The following CLIC4 variants were observed in gnomAD, a reference collection of about 807,000 sequenced individuals.
CLIC4 encodes CLIC family member 4.
CLIC4 carries 13 observed loss-of-function variants against 24.6 expected under a neutral mutation model. That is an observed-to-expected ratio of 0.53 (90% confidence interval 0.34 to 0.84). The LOEUF (loss-of-function observed/expected upper bound fraction) is 0.84. CLIC4 is among the 40% of genes least tolerant of loss of function. The pLI, the probability that CLIC4 is intolerant of heterozygous loss-of-function variation, is 0.01. For synonymous variants in CLIC4, 104 were observed against 111.3 expected (o/e 0.93, Z 0.41); for missense variants, 227 against 301.7 (o/e 0.75, Z 1.83).
chr1:24,746,873 G>A (rs1169509530), intron 1 of CLIC4, among the ~76,000 whole-genome samples: 1 of 152,112 alleles, frequency 6.6e-6, no homozygotes, highest in Non-Finnish European at 1.5e-5. Flanking sequence ...TTACGCGCCT[G>A]TACTACTCTG....
chr1:24,784,464 G>A (rs114799106), intron 1 of CLIC4, among the ~76,000 whole-genome samples: 1 of 152,306 alleles, frequency 6.6e-6, no homozygotes, highest in African/African-American at 2.4e-5. Flanking sequence ...TAATACATGT[G>A]AAGAGCTTGT....
intron 4 of CLIC4, among the ~76,000 whole-genome samples, chr1:24,839,425 G>A (rs1032186987): frequency 4.6e-5 from 7 of 152,108 alleles, no homozygotes; most frequent in East Asian, 1.9e-4. Context: ...TCAGCCTCCC[G>A]AGTAGCTGGG....
chr1:24,820,854 C>T lies in CLIC4; in HGVS notation c.309-6156C>T, dbSNP rs185576829. Among the ~76,000 whole-genome samples, 4 of 152,028 alleles carry T rather than the reference C, an allele frequency of 2.6e-5. No individual in the cohort carries two copies. The East Asian group carries it at 7.7e-4, about 29-fold the overall frequency. On this transcript the variant is annotated intron_variant, in intron 3 of 5. Transcript: ENST00000374379. ...ATGACTTTAGTTAAATGGACATTTC[C>T]TCATATTCTCTTACATCCTTCAGCA...
chr1:24,808,099 A>G (rs748571479), intron 2 of CLIC4, among the ~76,000 whole-genome samples: 12 of 152,128 alleles, frequency 7.9e-5, no homozygotes, highest in Non-Finnish European at 1.6e-4. Flanking sequence ...GGCGTGCGCC[A>G]CTATGCCTGG....
At chr1:24,820,779 T>A (rs959729629) in intron 3 of CLIC4, among the ~76,000 whole-genome samples, 1 of 152,232 alleles carries the variant, frequency 6.6e-6, no homozygotes, top group Non-Finnish European at 1.5e-5. Flanking sequence ...TTATATAAAT[T>A]CTTCCAAGTA....
At chr1:24,800,511 C>T (rs935226998) in intron 2 of CLIC4, among the ~76,000 whole-genome samples, 11 of 151,816 alleles carry the variant, frequency 7.2e-5, no homozygotes, top group African/African-American at 2.4e-4. Flanking sequence ...CCCGGCCGCC[C>T]CTACTGGGAA....
chr1:24,807,877 T>C (rs554936488), intron 2 of CLIC4, among the ~76,000 whole-genome samples: 2 of 152,366 alleles, frequency 1.3e-5, no homozygotes, highest in Admixed American at 6.5e-5. Context: ...TTAATGGATA[T>C]GTTTTATGAA....
At chr1:24,758,119 A>G (rs1638874091) in intron 1 of CLIC4, among the ~76,000 whole-genome samples, 1 of 151,890 alleles carries the variant, frequency 6.6e-6, no homozygotes, top group Non-Finnish European at 1.5e-5. Flanking sequence ...AGGTAATGTC[A>G]TTTCCTTCTG....
intron 2 of CLIC4, among the ~76,000 whole-genome samples, chr1:24,806,768 A>G (rs1639554759): frequency 6.6e-6 from 1 of 152,214 alleles, no homozygotes; most frequent in African/African-American, 2.4e-5. Flanking sequence ...AAAAGTGGTA[A>G]TGGCTTTCAT....
chr1:24,839,546 G>GC (rs1639920180), intron 4 of CLIC4, among the ~76,000 whole-genome samples: 1 of 152,144 alleles, frequency 6.6e-6, no homozygotes, highest in African/African-American at 2.4e-5. Context: ...TGATCTGCCT[G>GC]CCTCGGCCTC....
intron 4 of CLIC4, among the ~76,000 whole-genome samples, chr1:24,827,374 C>G (rs1048846163): frequency 6.6e-5 from 10 of 152,060 alleles, no homozygotes; most frequent in African/African-American, 2.4e-4. Context: ...AAGTTTATTT[C>G]ATCTTATTTT....
Position 24,841,814 on chromosome 1 carries a change from A to G in CLIC4, c.*877A>G, listed in dbSNP as rs12726765. 6.6e-6 allele frequency: 1 copy of G among 152,594 alleles called. No homozygotes were observed. The highest frequency in any genetic ancestry group is 1.5e-5 in the Non-Finnish European group (1 of 68,026). 9.5% of individuals were successfully genotyped at this position (152,594 alleles called of 1,614,324 possible). ...TAATCATAGAGCTTGCTATTTGTAC[A>G]TCTGTTGAGCAACACTACATAACTG... is the stretch of plus-strand genomic sequence containing the variant. On this transcript the variant is annotated 3_prime_UTR_variant, in exon 6 of 6. Transcript: ENST00000374379.
At chr1:24,803,696 T>G (rs1297187993) in intron 2 of CLIC4, among the ~76,000 whole-genome samples, 1 of 152,170 alleles carries the variant, frequency 6.6e-6, no homozygotes, top group Admixed American at 6.5e-5. Flanking sequence ...TCAGATAATA[T>G]AAGTGAAAAT....
chr1:24,803,062 A>G (rs1639508101), intron 2 of CLIC4, among the ~76,000 whole-genome samples: 1 of 152,186 alleles, frequency 6.6e-6, no homozygotes, highest in African/African-American at 2.4e-5. Flanking sequence ...ACAAAATTTT[A>G]AAGAGAAAGT....
intron 1 of CLIC4, among the ~76,000 whole-genome samples, chr1:24,765,190 A>G (rs185441208): frequency 2.0e-4 from 30 of 152,360 alleles, no homozygotes; most frequent in Middle Eastern, 6.8e-3. Flanking sequence ...AGAAGTATAT[A>G]TGGAAAAGCA....
intron 1 of CLIC4, among the ~76,000 whole-genome samples, chr1:24,760,869 T>C (rs1293824568): frequency 1.3e-5 from 2 of 152,114 alleles, no homozygotes; most frequent in Non-Finnish European, 2.9e-5. Context: ...TAGGGGGTGC[T>C]ATTTTCAGTT....
At chr1:24,774,051 C>T (rs1381816727) in intron 1 of CLIC4, among the ~76,000 whole-genome samples, 3 of 152,200 alleles carry the variant, frequency 2.0e-5, no homozygotes, top group Non-Finnish European at 4.4e-5. Flanking sequence ...TGGCTCACTG[C>T]AACCTCTGCC....
At position 24,841,951 on chromosome 1, in the gene CLIC4, G is replaced by C. The variant is rs960486259; in HGVS notation, c.*1014G>C. 9 of 152,550 alleles carry C rather than the reference G, an allele frequency of 5.9e-5. No individual in the cohort carries two copies. Among genetic ancestry groups the C allele is most frequent in the African/African-American group, 2.2e-4 (9 of 41,418 alleles). The allele number at this position is 152,550 out of a possible 1,614,324, so 9.4% of individuals were successfully genotyped here. A position where few individuals can be genotyped will look rare whatever the true frequency, so the allele number is the denominator to read the frequency against. On this transcript the variant is annotated 3_prime_UTR_variant, in exon 6 of 6. Transcript: ENST00000374379. ...TTGTCAAAATATCAAGTAAATTTTT[G>C]TTTCTAAAGTACATTTAATGTAGAT...
At chr1:24,798,027 A>G in intron 2 of CLIC4, 176 bp downstream of exon 2, 1 of 503,404 alleles carries the variant, frequency 2.0e-6, no homozygotes, top group South Asian at 2.8e-5. Flanking sequence ...CTGTCAGTAT[A>G]CTGCGTGGCT....
Sources: gnomAD v4.1 joint callset for allele counts (sites outside exome capture counted in the v4.1 genomes callset) on GRCh38, gnomAD v4.1.1 for gene constraint, MANE v1.5 for transcripts, NCBI Gene and HGNC (gene_info 2026-07-23, HGNC 2026-07-21) for gene names.